Variants in DLG2 observed in about 807,000 individuals in gnomAD.
DLG2 encodes the protein disks large homolog 2.
A neutral mutation model predicts 132.5 loss-of-function variants in DLG2; 45 were observed. The ratio of observed to expected loss-of-function variants is 0.34; its 90% CI spans 0.27 to 0.44. The LOEUF is 0.44. Ranked by LOEUF, DLG2 falls within the 20% of genes least tolerant of loss-of-function variation. The pLI is 1.00. For synonymous variants in DLG2, 424 were observed against 419.6 expected, an observed-to-expected ratio of 1.01 and a Z score of -0.13; for missense variants, 1,045 against 1,196.9, an observed-to-expected ratio of 0.87 and a Z score of 1.87.
At chr11:85,277,760 G>A (rs2077980401) in intron 4 of DLG2, among the ~76,000 whole-genome samples, 1 of 152,198 alleles carries the variant, frequency 6.6e-6, no homozygotes, top group Non-Finnish European at 1.5e-5. Context: ...CATGAGAAAT[G>A]ATGCTTTGTC....
chr11:84,418,233 G>C (rs529635210), intron 7 of DLG2, among the ~76,000 whole-genome samples: 3 of 152,142 alleles, frequency 2.0e-5, no homozygotes, highest in African/African-American at 7.2e-5. Context: ...CATACATCCT[G>C]GCACATAGTA....
chr11:84,155,793 A>G (rs2095416498), intron 9 of DLG2, among the ~76,000 whole-genome samples: 1 of 152,172 alleles, frequency 6.6e-6, no homozygotes, highest in African/African-American at 2.4e-5. Flanking sequence ...CTAGGGCTCC[A>G]AGGGAGAAAT....
chr11:85,254,831 T>C lies in DLG2; in HGVS notation c.186+30389A>G, dbSNP rs542924865. On this transcript the variant is annotated intron_variant, in intron 4 of 27. Coordinates refer to ENST00000376104, the MANE Select transcript of DLG2 (RefSeq NM_001142699.3). ...CTGGCTAACATGGTGAAACCCCGTC[T>C]CTACTAAAAATACAAAAAAATTAAT... is the stretch of plus-strand genomic sequence containing the variant. 8.9e-4 allele frequency among the ~76,000 whole-genome samples: 135 copies of C among 152,078 alleles called. 1 individual carries two copies. In the South Asian group the frequency reaches 0.026, roughly 30 times the overall value.
At chr11:84,283,877 G>C (rs1306593509) in intron 7 of DLG2, among the ~76,000 whole-genome samples, 1 of 152,060 alleles carries the variant, frequency 6.6e-6, no homozygotes, top group East Asian at 1.9e-4. Flanking sequence ...ATATATGTTA[G>C]TATATTTACC....
chr11:85,582,003 ACAG>A (rs2078558513), intron 3 of DLG2, among the ~76,000 whole-genome samples: 1 of 152,158 alleles, frequency 6.6e-6, no homozygotes, highest in Non-Finnish European at 1.5e-5. Context: ...TAAAGTGAAA[ACAG>A]TTAACAGTAT....
chr11:84,445,342 A>G (rs547103327), intron 7 of DLG2, among the ~76,000 whole-genome samples: 1 of 152,294 alleles, frequency 6.6e-6, no homozygotes, highest in East Asian at 1.9e-4. Context: ...AAACATACCC[A>G]ATCATTTATA....
chr11:84,211,472 T>C (rs188475015), intron 8 of DLG2, among the ~76,000 whole-genome samples: 285 of 152,324 alleles, frequency 1.9e-3, no homozygotes, highest in African/African-American at 6.3e-3. Context: ...CTCAAACTCC[T>C]GGGCTCCAGT....
At chr11:85,256,214 CAGA>C (rs2076657030) in intron 4 of DLG2, among the ~76,000 whole-genome samples, 1 of 152,050 alleles carries the variant, frequency 6.6e-6, no homozygotes, top group African/African-American at 2.4e-5. Context: ...AACAGAAGAG[CAGA>C]AGACCAGAAG....
At chr11:85,624,496 A>G (rs569413482) in intron 2 of DLG2, among the ~76,000 whole-genome samples, 1 of 152,346 alleles carries the variant, frequency 6.6e-6, no homozygotes, top group South Asian at 2.1e-4. Context: ...CACATGAAAC[A>G]ATGAAGAGAG....
At chr11:85,182,045 A>C (rs1566976302) in intron 4 of DLG2, among the ~76,000 whole-genome samples, 1 of 151,980 alleles carries the variant, frequency 6.6e-6, no homozygotes, top group African/African-American at 2.4e-5. Flanking sequence ...GTGAGAAATA[A>C]ATAGTTTTTA....
At chr11:83,522,435 A>G (rs972572634) in intron 21 of DLG2, among the ~76,000 whole-genome samples, 8 of 152,144 alleles carry the variant, frequency 5.3e-5, no homozygotes, top group African/African-American at 1.9e-4. Context: ...CTCAAAACCT[A>G]TTTATTGAAA....
intron 7 of DLG2, among the ~76,000 whole-genome samples, chr11:84,425,102 C>T (rs796211020): frequency 6.6e-6 from 1 of 152,122 alleles, no homozygotes; most frequent in African/African-American, 2.4e-5. Context: ...CATTGTAAGT[C>T]CCAGCACAGT....
intron 4 of DLG2, among the ~76,000 whole-genome samples, chr11:85,276,400 T>C (rs1035634206): frequency 1.3e-5 from 2 of 152,094 alleles, no homozygotes; most frequent in Non-Finnish European, 2.9e-5. Context: ...AAATCTGAAA[T>C]AGGAAAGATG....
chr11:83,793,115 G>A (rs1343643592), intron 17 of DLG2, among the ~76,000 whole-genome samples: 3 of 151,514 alleles, frequency 2.0e-5, no homozygotes, highest in Non-Finnish European at 4.4e-5. Flanking sequence ...TTTTTTTGTT[G>A]TTGTTGTTTA....
chr11:83,792,480 A>G (rs988659376), intron 17 of DLG2, among the ~76,000 whole-genome samples: 23 of 152,144 alleles, frequency 1.5e-4, no homozygotes, highest in Non-Finnish European at 4.4e-5. Flanking sequence ...CTTACCTCCT[A>G]TTATTCTCTA....
rs144619506 is a variant in DLG2 at position 85,291,237 on chromosome 11, T to C, written c.41-5872A>G. ...TTCTTAAATCATGAGGCTTTTTTCT[T>C]GTGTGACTCATGAGTTGCTCTGCAA... is the stretch of plus-strand genomic sequence containing the variant. On this transcript the variant is annotated intron_variant, in intron 3 of 27. Coordinates refer to ENST00000376104, the MANE Select transcript of DLG2 (RefSeq NM_001142699.3). Among the ~76,000 whole-genome samples the C allele has an allele frequency of 6.6e-3, 999 of 152,288 alleles. 8 individuals are homozygous for C. Among genetic ancestry groups the C allele is most frequent in the African/African-American group, 0.023 (944 of 41,580 alleles).
chr11:84,971,327 GAT>G (rs2054068475), intron 6 of DLG2, among the ~76,000 whole-genome samples: 1 of 152,186 alleles, frequency 6.6e-6, no homozygotes, highest in African/African-American at 2.4e-5. Flanking sequence ...TCATAAAGGA[GAT>G]ATAGACATAA....
chr11:84,600,159 G>A lies in DLG2; in HGVS notation c.358-65428C>T, dbSNP rs10160244. Among the ~76,000 whole-genome samples, 688 of 96,130 alleles carry A rather than the reference G, an allele frequency of 7.2e-3. 5 individuals carry two copies. The highest frequency in any genetic ancestry group is 0.011 in the Non-Finnish European group (528 of 49,244). The allele number at this position is 96,130 out of a possible 152,430, so 63.1% of individuals were successfully genotyped here. ...AAGAAAGAAGGAAAGAAAGAAAGAA[G>A]GAAAGAAAGAAAGAAAGAAAGAAAG... On this transcript the variant is annotated intron_variant, in intron 6 of 27. Coordinates refer to ENST00000376104, the MANE Select transcript of DLG2 (RefSeq NM_001142699.3).
At chr11:85,409,966 C>G (rs560261266) in intron 3 of DLG2, among the ~76,000 whole-genome samples, 1 of 151,944 alleles carries the variant, frequency 6.6e-6, no homozygotes, top group South Asian at 2.1e-4. Flanking sequence ...ATCCTGGAGA[C>G]AAAAGATACA....
Sources: gnomAD v4.1 joint callset for allele counts (sites outside exome capture counted in the v4.1 genomes callset) on GRCh38, gnomAD v4.1.1 for gene constraint, MANE v1.5 for transcripts, NCBI Gene and HGNC (gene_info 2026-07-23, HGNC 2026-07-21) for gene names.